PPM1H: variants seen among roughly 807,000 people sequenced by gnomAD.
The protein encoded by PPM1H is protein phosphatase, Mg2+/Mn2+ dependent 1H, also known as protein phosphatase 1H.
In PPM1H, 27 loss-of-function variants were observed where a neutral mutation model predicts 54.9. The observed-to-expected ratio is 0.49, with a 90% CI of 0.36 to 0.68. The LOEUF (loss-of-function observed/expected upper bound fraction) is 0.68, where lower values mean the gene tolerates loss of function less well. Ranked by LOEUF, PPM1H falls within the 30% of genes least tolerant of loss-of-function variation. The pLI, the probability that PPM1H is intolerant of heterozygous loss-of-function variation, is 0.00. For synonymous variants in PPM1H, 305 were observed against 270.8 expected (o/e 1.13, Z -1.24); for missense variants, 596 against 667.8 (o/e 0.89, Z 1.19).
At position 62,648,469 on chromosome 12, in the gene PPM1H, C is replaced by G; in HGVS notation, c.*20G>C. The stretch of plus-strand genomic sequence containing the variant: ...TCCCAGCTTTCTTCCCCTCTGTCCT[C>G]CCAATCCCCTGGGCCATTTTCATGA... On this transcript the variant is annotated 3_prime_UTR_variant, in exon 10 of 10. Transcript: ENST00000228705. 5 of 1,613,424 alleles carry G rather than the reference C, an allele frequency of 3.1e-6. No individual in the cohort carries two copies. The highest frequency in any genetic ancestry group is 4.2e-6 in the Non-Finnish European group (5 of 1,179,466).
chr12:62,816,655 G>C (rs1265202345), intron 2 of PPM1H, among the ~76,000 whole-genome samples: 1 of 151,798 alleles, frequency 6.6e-6, no homozygotes, highest in African/African-American at 2.4e-5. Context: ...GCCTATATAA[G>C]GTTAAATAAA....
chr12:62,778,301 T>C (rs936086870), intron 4 of PPM1H, among the ~76,000 whole-genome samples: 2 of 152,218 alleles, frequency 1.3e-5, no homozygotes, highest in Non-Finnish European at 2.9e-5. Context: ...ATCAATTCCC[T>C]TGGGCCTGGG....
At position 62,647,908 on chromosome 12, in the gene PPM1H, G is replaced by GA. The variant is rs71086621; in HGVS notation, c.*580dup. The GA allele has an allele frequency of 0.36, 39,064 of 107,868 alleles. 6,829 individuals carry two copies. Among genetic ancestry groups the GA allele is most frequent in the Middle Eastern group, 0.47 (99 of 212 alleles). 6.7% of individuals were successfully genotyped at this position (107,868 alleles called of 1,614,324 possible). A position where few individuals can be genotyped will look rare whatever the true frequency, so the allele number is the denominator to read the frequency against. ...CAGATTCAAGGAATGTCAAAAACAC[G>GA]AAAAAAAAAAAAAAAAATCCCTGCC... On this transcript the variant is annotated 3_prime_UTR_variant, in exon 10 of 10. Transcript: ENST00000228705.
intron 9 of PPM1H, among the ~76,000 whole-genome samples, chr12:62,658,285 TG>T (rs372283026): frequency 6.6e-6 from 1 of 150,520 alleles, no homozygotes; most frequent in African/African-American, 2.4e-5. Flanking sequence ...CAGTTTTGCC[TG>T]GGCACTGGGA....
intron 1 of PPM1H, among the ~76,000 whole-genome samples, chr12:62,885,694 A>C (rs1870563183): frequency 6.6e-6 from 1 of 152,200 alleles, no homozygotes; most frequent in Admixed American, 6.5e-5. Flanking sequence ...TACTATGTTT[A>C]TGTAAGACGT....
chr12:62,693,502 C>T (rs887780610), intron 7 of PPM1H, among the ~76,000 whole-genome samples: 4 of 152,194 alleles, frequency 2.6e-5, no homozygotes, highest in Non-Finnish European at 4.4e-5. Flanking sequence ...CCGCAGCTGC[C>T]CCTCGCTTGG....
intron 1 of PPM1H, among the ~76,000 whole-genome samples, chr12:62,920,895 T>C (rs1871775806): frequency 6.6e-6 from 1 of 152,110 alleles, no homozygotes; most frequent in Admixed American, 6.5e-5. Context: ...CTCAATAATC[T>C]ATAGCATTTT....
At chr12:62,781,379 G>T (rs566706412) in intron 4 of PPM1H, among the ~76,000 whole-genome samples, 5 of 152,318 alleles carry the variant, frequency 3.3e-5, no homozygotes, top group Admixed American at 1.3e-4. Context: ...GGGGAGACAC[G>T]GGTTCCAGGA....
intron 1 of PPM1H, among the ~76,000 whole-genome samples, chr12:62,922,410 A>G (rs560538570): frequency 6.6e-6 from 1 of 151,604 alleles, no homozygotes; most frequent in East Asian, 1.9e-4. Context: ...GGGTCATGGG[A>G]CAGCCTGCGA....
At chr12:62,842,945 T>G (rs900035177) in intron 1 of PPM1H, among the ~76,000 whole-genome samples, 5 of 152,232 alleles carry the variant, frequency 3.3e-5, no homozygotes, top group Admixed American at 3.3e-4. Context: ...TGCCTCAGTT[T>G]CTCATAAGAT....
intron 5 of PPM1H, among the ~76,000 whole-genome samples, chr12:62,732,149 C>T (rs2076324631): frequency 6.6e-6 from 1 of 152,148 alleles, no homozygotes; most frequent in Non-Finnish European, 1.5e-5. Flanking sequence ...GCAGGAGTGC[C>T]CGTCCCTTGA....
intron 8 of PPM1H, among the ~76,000 whole-genome samples, chr12:62,679,996 C>T (rs2076009939): frequency 6.6e-6 from 1 of 152,202 alleles, no homozygotes; most frequent in African/African-American, 2.4e-5. Context: ...TGTCTGTCTC[C>T]AGGATGACTG....
intron 9 of PPM1H, among the ~76,000 whole-genome samples, chr12:62,662,948 G>C (rs146071377): frequency 1.3e-5 from 2 of 152,062 alleles, no homozygotes; most frequent in East Asian, 3.9e-4. Context: ...ACAATATATT[G>C]GTAGTTTTCA....
intron 4 of PPM1H, among the ~76,000 whole-genome samples, chr12:62,749,253 T>C (rs1475313856): frequency 6.6e-6 from 1 of 152,114 alleles, no homozygotes; most frequent in Non-Finnish European, 1.5e-5. Flanking sequence ...ATGCCCTGAT[T>C]CCATTACACA....
At position 62,844,740 on chromosome 12, in the gene PPM1H, T is replaced by C. The variant is rs546154468; in HGVS notation, c.246-12461A>G. ...TAGCACGGAGTAGGTACTCGATAAA[T>C]GTTAATTGAATGAATAAACAAATGA... On this transcript the variant is annotated intron_variant, in intron 1 of 9. Coordinates refer to ENST00000228705, the MANE Select transcript of PPM1H (RefSeq NM_020700.2). The surrounding 1 kb of genome is among the most constrained non-coding windows in gnomAD (Gnocchi z 5.2). 6.6e-6 allele frequency among the ~76,000 whole-genome samples: 1 copy of C among 152,336 alleles called. No homozygotes were observed. Among genetic ancestry groups the C allele is most frequent in the South Asian group, 2.1e-4 (1 of 4,832 alleles).
Position 62,868,327 on chromosome 12 carries a change from G to A in PPM1H, c.246-36048C>T, listed in dbSNP as rs117157346. 2.6e-5 allele frequency among the ~76,000 whole-genome samples: 4 copies of A among 152,250 alleles called. No homozygotes were observed. In the East Asian group the frequency reaches 7.7e-4, roughly 29 times the overall value. ...CATGTAACATCTGAGCCTGAACAAC[G>A]TGTAGGTCGCAAGCTGGAGCCCGCT... On this transcript the variant is annotated intron_variant, in intron 1 of 9. Coordinates refer to ENST00000228705, the MANE Select transcript of PPM1H (RefSeq NM_020700.2).
intron 1 of PPM1H, among the ~76,000 whole-genome samples, chr12:62,927,388 G>T (rs1003266519): frequency 6.6e-6 from 1 of 152,142 alleles, no homozygotes; most frequent in Non-Finnish European, 1.5e-5. Context: ...GGCCGGGTGC[G>T]GTGGCTCACG....
intron 1 of PPM1H, among the ~76,000 whole-genome samples, chr12:62,930,666 G>T (rs569690501): frequency 4.6e-5 from 7 of 151,462 alleles, no homozygotes; most frequent in African/African-American, 1.4e-4. Context: ...CACTTGGGTG[G>T]TATTTGAGAG....
At chr12:62,787,598 T>A (rs773640152) in intron 4 of PPM1H, among the ~76,000 whole-genome samples, 3 of 152,180 alleles carry the variant, frequency 2.0e-5, no homozygotes, top group Non-Finnish European at 4.4e-5. Flanking sequence ...GGTGGGAGGA[T>A]TGTTTGAGCC....
Sources: allele counts gnomAD v4.1 joint callset (sites outside exome capture counted in the v4.1 genomes callset), GRCh38; gene constraint gnomAD v4.1.1; non-coding constraint Gnocchi (gnomAD v3.1); transcripts MANE v1.5; gene names NCBI Gene and HGNC (gene_info 2026-07-23, HGNC 2026-07-21).